DSCAM: variants seen among roughly 807,000 people sequenced by gnomAD.
The protein encoded by DSCAM is DS cell adhesion molecule.
A neutral mutation model predicts 217.7 loss-of-function variants in DSCAM; 47 were observed. That is an observed-to-expected ratio of 0.22 (90% CI 0.17 to 0.28). The LOEUF (loss-of-function observed/expected upper bound fraction) is 0.28. Among genes scored for constraint, DSCAM ranks in the 10% least tolerant of loss-of-function variants. The probability of loss-of-function intolerance (pLI) is 1.00; values close to 1 mark genes in which losing one functional copy is unlikely to be tolerated. For synonymous variants in DSCAM, 1,056 were observed against 1,015.3 expected (o/e 1.04, Z -0.76); for missense variants, 2,080 against 2,618.3 (o/e 0.79, Z 4.49).
intron 3 of DSCAM, among the ~76,000 whole-genome samples, chr21:40,525,009 CAAAAAAAAAA>C (rs58427418): frequency 3.6e-5 from 2 of 56,122 alleles, no homozygotes; most frequent in African/African-American, 1.2e-4. Flanking sequence ...GACTCAGTCT[CAAAAAAAAAA>C]AAAAAAAAAA....
intron 1 of DSCAM, among the ~76,000 whole-genome samples, chr21:40,722,413 T>C (rs560783851): frequency 6.6e-5 from 10 of 152,250 alleles, no homozygotes; most frequent in Admixed American, 3.3e-4. Flanking sequence ...AAATTTATTG[T>C]TGTAAGGTCC....
intron 1 of DSCAM, among the ~76,000 whole-genome samples, chr21:40,754,133 G>A (rs978650542): frequency 2.0e-5 from 3 of 152,116 alleles, no homozygotes; most frequent in African/African-American, 4.8e-5. Flanking sequence ...GGGAGCAACC[G>A]CACACCAGAC....
intron 1 of DSCAM, among the ~76,000 whole-genome samples, chr21:40,801,275 AT>A (rs1240497001): frequency 6.6e-6 from 1 of 152,204 alleles, no homozygotes; most frequent in Non-Finnish European, 1.5e-5. Flanking sequence ...TTATGCTGAT[AT>A]TTGGGACCAA....
At chr21:40,409,541 T>C (rs2075305499) in intron 3 of DSCAM, among the ~76,000 whole-genome samples, 1 of 152,184 alleles carries the variant, frequency 6.6e-6, no homozygotes, top group South Asian at 2.1e-4. Flanking sequence ...GGACAGATCC[T>C]GAGTTTTACA....
At chr21:40,512,605 T>C (rs2076268439) in intron 3 of DSCAM, among the ~76,000 whole-genome samples, 1 of 152,150 alleles carries the variant, frequency 6.6e-6, no homozygotes, top group Non-Finnish European at 1.5e-5. Context: ...TAGCAGATTA[T>C]TGACTTCTGA....
intron 29 of DSCAM, among the ~76,000 whole-genome samples, chr21:40,055,278 T>G (rs2088996285): frequency 6.6e-6 from 1 of 152,184 alleles, no homozygotes; most frequent in Non-Finnish European, 1.5e-5. Context: ...GTTTAAGTGT[T>G]AAGTACAGTT....
intron 1 of DSCAM, among the ~76,000 whole-genome samples, chr21:40,777,296 G>C (rs2091496851): frequency 6.6e-6 from 1 of 152,178 alleles, no homozygotes; most frequent in Non-Finnish European, 1.5e-5. Context: ...CATCACATTG[G>C]GGATTAGGTT....
intron 3 of DSCAM, among the ~76,000 whole-genome samples, chr21:40,428,237 TGTGTGTG>T (rs2075495508): frequency 2.6e-4 from 1 of 3,902 alleles, no homozygotes; most frequent in Non-Finnish European, 5.6e-4. Context: ...AAATACTTTG[TGTGTGTG>T]TGTGTGTGTG....
intron 18 of DSCAM, among the ~76,000 whole-genome samples, chr21:40,137,692 T>A (rs1395433158): frequency 6.6e-6 from 1 of 151,302 alleles, no homozygotes; most frequent in Non-Finnish European, 1.5e-5. Context: ...GAAATAAAAT[T>A]AAAAAAATAT....
At chr21:40,624,136 G>A (rs138488816) in intron 3 of DSCAM, among the ~76,000 whole-genome samples, 231 of 152,194 alleles carry the variant, frequency 1.5e-3, no homozygotes, top group African/African-American at 5.3e-3. Flanking sequence ...ACAGAATGTT[G>A]TATCAATCAG....
At chr21:40,276,409 T>C in intron 10 of DSCAM, 139 bp from the exon 11 acceptor site, 1 of 635,982 alleles carries the variant, frequency 1.6e-6, no homozygotes, top group Non-Finnish European at 2.3e-6. Flanking sequence ...ACCAGGTTTT[T>C]CTTTCTTTCC....
intron 9 of DSCAM, among the ~76,000 whole-genome samples, chr21:40,307,241 A>T (rs2074088259): frequency 6.6e-6 from 1 of 151,796 alleles, no homozygotes; most frequent in Non-Finnish European, 1.5e-5. Context: ...TTACAAGAAA[A>T]AAAAAACAAC....
At chr21:40,014,196 G>C (rs1365566689) in intron 32 of DSCAM, among the ~76,000 whole-genome samples, 2 of 152,182 alleles carry the variant, frequency 1.3e-5, no homozygotes, top group Admixed American at 6.5e-5. Context: ...TTCAAGACCA[G>C]CCAGGCCAAC....
chr21:40,264,266 A>G (rs2073492751), intron 11 of DSCAM, among the ~76,000 whole-genome samples: 1 of 152,208 alleles, frequency 6.6e-6, no homozygotes, highest in Non-Finnish European at 1.5e-5. Flanking sequence ...ACTACAGACC[A>G]ATATTCCTGA....
At chr21:40,612,508 C>A (rs1053839196) in intron 3 of DSCAM, among the ~76,000 whole-genome samples, 1 of 152,154 alleles carries the variant, frequency 6.6e-6, no homozygotes, top group African/African-American at 2.4e-5. Context: ...GTCAGATTTG[C>A]CGCGAGGAGA....
intron 3 of DSCAM, among the ~76,000 whole-genome samples, chr21:40,370,802 T>A (rs1036345305): frequency 6.6e-6 from 1 of 151,916 alleles, no homozygotes. Context: ...TGTATTTTTT[T>A]ATAGAGACGA....
intron 27 of DSCAM, among the ~76,000 whole-genome samples, chr21:40,069,225 G>A (rs2146532523): frequency 6.6e-6 from 1 of 152,300 alleles, no homozygotes; most frequent in Non-Finnish European, 1.5e-5. Context: ...AGAAAGAGGA[G>A]CGAAACAATG....
chr21:40,628,692 GCTATCTATCTAT>G (rs60453786), intron 3 of DSCAM, among the ~76,000 whole-genome samples: 7,577 of 149,702 alleles, frequency 0.051, 260 homozygotes, highest in African/African-American at 0.086. Context: ...ATAAGCACTT[GCTATCTATCTAT>G]CTATCTATCT....
chr21:40,589,715 G>A (rs1362620160), intron 3 of DSCAM, among the ~76,000 whole-genome samples: 1 of 152,222 alleles, frequency 6.6e-6, no homozygotes, highest in Non-Finnish European at 1.5e-5. Context: ...CAATGTATAT[G>A]ACATCAAATG....
Sources: gnomAD v4.1 joint callset for allele counts (sites outside exome capture counted in the v4.1 genomes callset) on GRCh38, gnomAD v4.1.1 for gene constraint, MANE v1.5 for transcripts, NCBI Gene and HGNC (gene_info 2026-07-23, HGNC 2026-07-21) for gene names.